Variants in ANXA2 observed in about 807,000 individuals in gnomAD.
The protein encoded by ANXA2 is annexin A2, also known as annexin II.
A neutral mutation model predicts 47.3 loss-of-function variants in ANXA2; 28 were observed. The observed-to-expected ratio is 0.59, with a 90% CI of 0.44 to 0.81. The LOEUF is 0.81. Ranked by LOEUF, ANXA2 falls within the 40% of genes least tolerant of loss-of-function variation. The probability of loss-of-function intolerance (pLI) is 0.00; values close to 1 mark genes in which losing one functional copy is unlikely to be tolerated. For synonymous variants in ANXA2, 172 were observed against 155.5 expected, an observed-to-expected ratio of 1.11 and a Z score of -0.79; for missense variants, 384 against 414.3, an observed-to-expected ratio of 0.93 and a Z score of 0.64.
In ANXA2 at chr15:60,385,936, T is replaced by C. The variant is rs2062926632; in HGVS notation, c.48+92A>G. 3 of 794,250 alleles carry C rather than the reference T, an allele frequency of 3.8e-6. No individual in the cohort carries two copies. The South Asian group carries it at 5.4e-5, about 14-fold the overall frequency. The allele number at this position is 794,250 out of a possible 1,614,324, so 49.2% of individuals were successfully genotyped here. A position where few individuals can be genotyped will look rare whatever the true frequency, so the allele number is the denominator to read the frequency against. ...GATGACTGTCTGAATTGTCCCCATC[T>C]TCCTTAGATGTACAAGGATAGAGAG... On this transcript the variant is annotated intron_variant, in intron 2 of 12. Coordinates refer to ENST00000451270, the MANE Select transcript of ANXA2 (RefSeq NM_004039.3).
chr15:60,366,133 A>C (rs1309397954), intron 3 of ANXA2, among the ~76,000 whole-genome samples: 1 of 132,524 alleles, frequency 7.5e-6, no homozygotes, highest in Non-Finnish European at 1.6e-5. Context: ...TTGCAGATGG[A>C]GTCTCGTTCA....
At chr15:60,354,963 C>T (rs1387983395) in intron 7 of ANXA2, among the ~76,000 whole-genome samples, 2 of 152,066 alleles carry the variant, frequency 1.3e-5, no homozygotes, top group East Asian at 1.9e-4. Flanking sequence ...AGAGTGTGAA[C>T]GATGGGCCTG....
At chr15:60,359,280 G>C (rs2062477647) in intron 5 of ANXA2, among the ~76,000 whole-genome samples, 1 of 152,130 alleles carries the variant, frequency 6.6e-6, no homozygotes, top group Non-Finnish European at 1.5e-5. Flanking sequence ...CTAATACCTA[G>C]TAATAGATAC....
chr15:60,385,792 G>A (rs750838401), intron 2 of ANXA2: 5 of 453,252 alleles, frequency 1.1e-5, no homozygotes, highest in Non-Finnish European at 2.0e-5. Context: ...AGCCATTCCA[G>A]TGTCACTAAT....
At chr15:60,385,744 T>C (rs1228676082) in intron 2 of ANXA2, 1 of 349,356 alleles carries the variant, frequency 2.9e-6, no homozygotes, top group Non-Finnish European at 5.2e-6. Flanking sequence ...ATAACAGTTA[T>C]TACCAATGAC....
At chr15:60,390,504 A>G in intron 1 of ANXA2, 2 of 502,840 alleles carry the variant, frequency 4.0e-6, no homozygotes, top group South Asian at 1.5e-5. Context: ...CAGAGTGACT[A>G]TGGTGGGTAG....
At chr15:60,364,650 CA>C (rs1595677620) in intron 3 of ANXA2, 127 bp from the exon 4 acceptor site, 1 of 635,196 alleles carries the variant, frequency 1.6e-6, no homozygotes, top group East Asian at 3.0e-5. Context: ...AATACCCAGA[CA>C]CCAAGATTTG....
chr15:60,354,619 CAAAAAAA>C (rs5813019), intron 7 of ANXA2, among the ~76,000 whole-genome samples: 1 of 109,294 alleles, frequency 9.1e-6, no homozygotes, highest in African/African-American at 3.7e-5. Context: ...GACTCTGTCT[CAAAAAAA>C]AAAAAAAAAA....
At chr15:60,367,432 TGGGG>T (rs765725955) in intron 3 of ANXA2, among the ~76,000 whole-genome samples, 1 of 3,808 alleles carries the variant, frequency 2.6e-4, no homozygotes, top group Non-Finnish European at 4.1e-4. Flanking sequence ...GGGAGGGAGG[TGGGG>T]GGGGGGGTCA....
At chr15:60,355,612 A>G in intron 7 of ANXA2, 1 of 453,194 alleles carries the variant, frequency 2.2e-6, no homozygotes, top group East Asian at 4.5e-5. Flanking sequence ...CCACAGATAG[A>G]GGCAAAGTGA....
In ANXA2 at chr15:60,352,424, A is replaced by G; in HGVS notation, c.641T>C (p.Ile214Thr). The G allele has an allele frequency of 1.9e-6, 3 of 1,613,826 alleles. No homozygotes were observed. Among genetic ancestry groups the G allele is most frequent in the Non-Finnish European group, 2.5e-6 (3 of 1,179,828 alleles). Reference protein sequence around the residue: ...KRKGTDVPKWISIMTERSVPH... With the variant: ...KRKGTDVPKWTSIMTERSVPH... The stretch of plus-strand genomic sequence containing the variant: ...CACGCTCCGCTCGGTCATGATGCTG[A>G]TCCACTTGGGAACATCAGTTCCTTT... Residue 214 changes from isoleucine to threonine, a missense_variant, in exon 9 of 13, where the codon ATC becomes ACC. Physicochemically the swap from Ile to Thr is moderately conservative, Grantham distance 89 (BLOSUM62 -1). Transcript: ENST00000451270. This position sits in a 1 kb window ranked among gnomAD's most constrained non-coding sequence, Gnocchi z 4.2.
At chr15:60,359,218 T>C (rs1205360045) in intron 5 of ANXA2, among the ~76,000 whole-genome samples, 1 of 152,182 alleles carries the variant, frequency 6.6e-6, no homozygotes, top group East Asian at 1.9e-4. Context: ...TTGGGCCCAA[T>C]TACATAGATT....
At chr15:60,380,293 G>T (rs1250846519) in intron 3 of ANXA2, among the ~76,000 whole-genome samples, 1 of 152,090 alleles carries the variant, frequency 6.6e-6, no homozygotes, top group African/African-American at 2.4e-5. Flanking sequence ...AGGAAACTCA[G>T]TCTTAGCAAA....
intron 12 of ANXA2, 85 bp downstream of exon 12, chr15:60,348,990 C>G: frequency 6.5e-7 from 1 of 1,538,618 alleles, no homozygotes; most frequent in Non-Finnish European, 8.9e-7. Flanking sequence ...AAAATCGCCA[C>G]TCTGTCATCA....
rs370137354 is a variant in ANXA2, at chr15:60,349,728, CAG to C, written c.838-533_838-532del. Among the ~76,000 whole-genome samples, 705 of 121,494 alleles carry C rather than the reference CAG, an allele frequency of 5.8e-3. 6 individuals are homozygous for C. Among genetic ancestry groups the C allele is most frequent in the African/African-American group, 0.02 (626 of 31,700 alleles). 79.7% of individuals were successfully genotyped at this position (121,494 alleles called of 152,430 possible). A position where few individuals can be genotyped will look rare whatever the true frequency, so the allele number is the denominator to read the frequency against. On this transcript the variant is annotated intron_variant, in intron 11 of 12. Transcript: ENST00000451270. The stretch of plus-strand genomic sequence containing the variant: ...AAAGACAGAGAGAGAGAGGGAAAGA[CAG>C]AGAGAGAGAGAGAAAGAAAGAGAGA...
chr15:60,376,710 C>T (rs564125124), intron 3 of ANXA2, among the ~76,000 whole-genome samples: 2 of 152,176 alleles, frequency 1.3e-5, no homozygotes, highest in African/African-American at 2.4e-5. Flanking sequence ...GAACAGCCTT[C>T]GTGACTCCTG....
At position 60,397,974 on chromosome 15, in the gene ANXA2, C is replaced by T; in HGVS notation, c.-43G>A. 8.0e-7 allele frequency: 1 copy of T among 1,252,050 alleles called. No individual in the cohort carries two copies. Among genetic ancestry groups the T allele is most frequent in the South Asian group, 2.8e-5 (1 of 35,844 alleles). The allele number at this position is 1,252,050 out of a possible 1,614,324, so 77.6% of individuals were successfully genotyped here. A position where few individuals can be genotyped will look rare whatever the true frequency, so the allele number is the denominator to read the frequency against. ...CGTGCGCCGAGAGCTGAGAGCGTCC[C>T]CAAATGCTGAGCAGAGCCGGCTGGC... On this transcript the variant is annotated 5_prime_UTR_variant, in exon 1 of 13. Coordinates refer to ENST00000451270, the MANE Select transcript of ANXA2 (RefSeq NM_004039.3).
At chr15:60,397,343 A>G (rs2063094164) in intron 1 of ANXA2, 4 of 985,372 alleles carry the variant, frequency 4.1e-6, no homozygotes, top group Middle Eastern at 5.2e-4. Flanking sequence ...GATAACCTAG[A>G]GCAAGGGGAA....
At chr15:60,387,888 T>C (rs530638709) in intron 1 of ANXA2, among the ~76,000 whole-genome samples, 3 of 152,166 alleles carry the variant, frequency 2.0e-5, no homozygotes, top group African/African-American at 7.2e-5. Context: ...CCTAAAACTT[T>C]CCTAAAAATG....
Sources: allele counts gnomAD v4.1 joint callset (sites outside exome capture counted in the v4.1 genomes callset), GRCh38; gene constraint gnomAD v4.1.1; non-coding constraint Gnocchi (gnomAD v3.1); transcripts MANE v1.5; gene names NCBI Gene and HGNC (gene_info 2026-07-23, HGNC 2026-07-21).